The following ZNF677 variants were observed in gnomAD, a reference collection of about 807,000 sequenced individuals.
ZNF677 encodes the protein hypothetical protein MGC48625.
In ZNF677, 5 loss-of-function variants were observed where a neutral mutation model predicts 8.1. The observed-to-expected ratio is 0.62, with a 90% confidence interval of 0.32 to 1.29. The LOEUF (loss-of-function observed/expected upper bound fraction) is 1.29. ZNF677 is among the 50% of genes most tolerant of loss of function. The probability of loss-of-function intolerance (pLI) is 0.05; values close to 1 mark genes in which losing one functional copy is unlikely to be tolerated. For synonymous variants in ZNF677, 221 were observed against 225.6 expected, an observed-to-expected ratio of 0.98 and a Z score of 0.18; for missense variants, 685 against 685.9, an observed-to-expected ratio of 1.00 and a Z score of 0.01.
At position 53,237,180 on chromosome 19, in the gene ZNF677, T is replaced by C. The variant is rs2090979788; in HGVS notation, c.1547A>G (p.Lys516Arg). Residue 516 changes from lysine (K) to arginine (R), a missense_variant, in exon 5 of 5, where the codon AAA becomes AGA. Lys to Arg is a conservative substitution (Grantham distance 26, BLOSUM62 2). Coordinates refer to ENST00000598513, the MANE Select transcript of ZNF677 (RefSeq NM_182609.4). Reference sequence around the variant, plus strand: ...AAAAGCTTTGCCACATTCAGTACATTTGTAAGGTTTCTCTCCAGTATGGAT... The same window carrying C: ...AAAAGCTTTGCCACATTCAGTACATCTGTAAGGTTTCTCTCCAGTATGGAT... ...KKIHTGEKPY[K>R]CTECGKAFTQ... The C allele has an allele frequency of 6.2e-7, 1 of 1,613,004 alleles. No homozygotes were observed. The highest frequency in any genetic ancestry group is 1.3e-5 in the African/African-American group (1 of 74,992).
chr19:53,252,679 C>T (rs951192964), intron 2 of ZNF677, among the ~76,000 whole-genome samples: 3 of 152,196 alleles, frequency 2.0e-5, no homozygotes, highest in African/African-American at 4.8e-5. Flanking sequence ...TCATTATGAA[C>T]AGACGGGCTC....
chr19:53,242,618 G>C (rs917431327), intron 4 of ZNF677: 2 of 390,142 alleles, frequency 5.1e-6, no homozygotes, highest in Non-Finnish European at 4.5e-6. Flanking sequence ...TAGAGAGACC[G>C]ACAGTCTTTC....
rs893228088 is a variant in ZNF677, at chr19:53,244,106, A to C, written c.16-209T>G. 7 of 519,628 alleles carry C rather than the reference A, an allele frequency of 1.3e-5. No individual in the cohort carries two copies. In the Admixed American group the frequency reaches 2.2e-4, roughly 17 times the overall value. The allele number at this position is 519,628 out of a possible 1,614,324, so 32.2% of individuals were successfully genotyped here. A position where few individuals can be genotyped will look rare whatever the true frequency, so the allele number is the denominator to read the frequency against. ...GCTGGGTGCAGTGGCTCACACCTGT[A>C]ATTTCAGCACCTTGAGAGGCTGAGG... On this transcript the variant is annotated intron_variant, in intron 3 of 4. Transcript: ENST00000598513.
intron 3 of ZNF677, chr19:53,249,250 T>G (rs1290430153): frequency 1.3e-5 from 2 of 152,238 alleles, no homozygotes; most frequent in Non-Finnish European, 2.9e-5. Flanking sequence ...ATTTAAAGTA[T>G]TTTTTAGTAA....
intron 3 of ZNF677, among the ~76,000 whole-genome samples, chr19:53,246,524 A>ACT (rs2091145163): frequency 6.7e-6 from 1 of 149,230 alleles, no homozygotes; most frequent in Admixed American, 6.7e-5. Flanking sequence ...ACACACACAC[A>ACT]CACACACTCA....
At chr19:53,241,726 T>A (rs2091052308) in intron 4 of ZNF677, 2 of 396,276 alleles carry the variant, frequency 5.0e-6, no homozygotes, top group Non-Finnish European at 8.9e-6. Flanking sequence ...ACATGCAGGC[T>A]ACTCTACTCA....
chr19:53,248,568 A>C (rs1332083366), intron 3 of ZNF677, among the ~76,000 whole-genome samples: 2 of 152,206 alleles, frequency 1.3e-5, no homozygotes, highest in Admixed American at 6.5e-5. Flanking sequence ...TCTGAAGGAT[A>C]ATTTGCCTGA....
rs1568688478 is a variant in ZNF677, at chr19:53,237,837, C to T, written c.890G>A (p.Gly297Asp). 1 of 1,613,192 alleles carries T rather than the reference C, an allele frequency of 6.2e-7. No individual in the cohort carries two copies. Among genetic ancestry groups the T allele is most frequent in the East Asian group, 2.2e-5 (1 of 44,854 alleles). The change falls in exon 5 of 5, where the codon GGC becomes GAC. Residue 297 changes from glycine to aspartate, a missense_variant. Coordinates refer to ENST00000598513, the MANE Select transcript of ZNF677 (RefSeq NM_182609.4). ...GTTCGAACACTGGTTAAAGGCTTTG[C>T]CACACTCGTTACATTTGTAAGGTCT... ...GQRPYKCNEC[G>D]KAFNQCSNLT...
chr19:53,238,111 G>A lies in ZNF677; in HGVS notation c.616C>T (p.Gln206Ter). 1 of 1,614,004 alleles carries A rather than the reference G, an allele frequency of 6.2e-7. No individual in the cohort carries two copies. Among genetic ancestry groups the A allele is most frequent in the South Asian group, 1.1e-5 (1 of 91,066 alleles). ...QAQLAELQRF[Q>*]TGEKMYECNP... ...CATTCATACATTTTCTCCCCAGTTT[G>A]AAATCTCTGTAGTTCAGCCAGCTGT... Residue 206 changes from glutamine to a stop codon, truncating the protein, a stop_gained, in exon 5 of 5, where the codon CAA becomes TAA. Coordinates refer to ENST00000598513, the MANE Select transcript of ZNF677 (RefSeq NM_182609.4). LOFTEE classifies it low-confidence loss of function (END_TRUNC).
chr19:53,237,892 T>C lies in ZNF677; in HGVS notation c.835A>G (p.Thr279Ala). Residue 279 changes from threonine (T) to alanine (A), a missense_variant, in exon 5 of 5, where the codon ACT becomes GCT. Coordinates refer to ENST00000598513, the MANE Select transcript of ZNF677 (RefSeq NM_182609.4). Reference protein sequence around the residue: ...GKAFSKSSNLTNHQRIHSGQR... With the variant: ...GKAFSKSSNLANHQRIHSGQR... ...CCAGAGTGAATTCTCTGATGATTAGTGAGGTTCGAACTTTTGCTAAAAGCC... is the reference window on the plus strand; with the variant it reads ...CCAGAGTGAATTCTCTGATGATTAGCGAGGTTCGAACTTTTGCTAAAAGCC... 6.2e-7 allele frequency: 1 copy of C among 1,613,316 alleles called. No homozygotes were observed. Among genetic ancestry groups the C allele is most frequent in the Non-Finnish European group, 8.5e-7 (1 of 1,180,002 alleles).
chr19:53,237,518 G>GTAAGGC lies in ZNF677; in HGVS notation c.1203_1208dup (p.Pro402_Tyr403insTer). 1 of 1,613,890 alleles carries GTAAGGC rather than the reference G, an allele frequency of 6.2e-7. No homozygotes were observed. The highest frequency in any genetic ancestry group is 2.2e-5 in the East Asian group (1 of 44,862). On this transcript the variant is annotated stop_gained, in exon 5 of 5. Transcript: ENST00000598513. LOFTEE classifies it low-confidence loss of function (END_TRUNC). ...AAGCTTTGCCACACTCATTACATAT[G>GTAAGGC]TAAGGCTTCTCTCCAGTATGGATTC...
In ZNF677 at chr19:53,237,022, T is replaced by C; in HGVS notation, c.1705A>G (p.Lys569Glu). Residue 569 changes from lysine to glutamate, a missense_variant, in exon 5 of 5, where the codon AAA becomes GAA. Physicochemically the swap from Lys to Glu is moderately conservative, Grantham distance 56. Coordinates refer to ENST00000598513, the MANE Select transcript of ZNF677 (RefSeq NM_182609.4). ...TTTGTCTCATTATATTTGATATGTT[T>C]TTCTCTATTATAACTTTTTTGATGA... ...GDHQKSYNRE[K>E]HIKYNETKIK... The C allele has an allele frequency of 1.3e-6, 2 of 1,595,974 alleles. No homozygotes were observed. The highest frequency in any genetic ancestry group is 1.7e-6 in the Non-Finnish European group (2 of 1,173,614).
intron 4 of ZNF677, chr19:53,241,269 T>C (rs575319303): frequency 3.9e-5 from 6 of 152,214 alleles, no homozygotes; most frequent in African/African-American, 1.4e-4. Flanking sequence ...CAAAAAACAC[T>C]AAGAGTATCA....
chr19:53,248,732 G>C (rs1568695142), intron 3 of ZNF677, among the ~76,000 whole-genome samples: 1 of 152,144 alleles, frequency 6.6e-6, no homozygotes, highest in African/African-American at 2.4e-5. Context: ...CTACTATCAT[G>C]ATTCTCTTTT....
At chr19:53,249,963 C>T (rs773198892) in intron 3 of ZNF677, among the ~76,000 whole-genome samples, 4 of 152,094 alleles carry the variant, frequency 2.6e-5, no homozygotes, top group Non-Finnish European at 4.4e-5. Flanking sequence ...ACCTCTGCCT[C>T]CCGGGTTCAA....
At chr19:53,252,567 CT>C (rs1359527634) in intron 2 of ZNF677, among the ~76,000 whole-genome samples, 1 of 152,162 alleles carries the variant, frequency 6.6e-6, no homozygotes, top group South Asian at 2.1e-4. Flanking sequence ...GGATTTAACT[CT>C]TTTCCAGAAA....
rs1568687172 is a variant in ZNF677, at chr19:53,237,124, T to A, written c.1603A>T (p.Lys535Ter). 3 of 1,613,902 alleles carry A rather than the reference T, an allele frequency of 1.9e-6. No individual in the cohort carries two copies. Among genetic ancestry groups the A allele is most frequent in the Non-Finnish European group, 1.7e-6 (2 of 1,179,930 alleles). ...TQFANLTRHQ[K>*]IHIEKKHCKH... Reference sequence around the variant, plus strand: ...CAATGTTTCTTTTCAATGTGTATTTTCTGGTGTCTAGTGAGGTTTGCAAAT... The same window carrying A: ...CAATGTTTCTTTTCAATGTGTATTTACTGGTGTCTAGTGAGGTTTGCAAAT... The change falls in exon 5 of 5, where the codon AAA (lysine) becomes TAA (stop). Residue 535 changes from lysine (K) to a stop codon, truncating the protein, a stop_gained. Coordinates refer to ENST00000598513, the MANE Select transcript of ZNF677 (RefSeq NM_182609.4). LOFTEE classifies it low-confidence loss of function (END_TRUNC).
At chr19:53,247,938 T>C (rs2091172675) in intron 3 of ZNF677, among the ~76,000 whole-genome samples, 1 of 152,190 alleles carries the variant, frequency 6.6e-6, no homozygotes, top group African/African-American at 2.4e-5. Context: ...AATAAGTGCC[T>C]TTTAAAGGAG....
At chr19:53,241,965 CTT>C (rs2091057286) in intron 4 of ZNF677, 2 of 369,938 alleles carry the variant, frequency 5.4e-6, no homozygotes, top group East Asian at 3.9e-5. Flanking sequence ...GAGTTTTGCT[CTT>C]GTTGCCCAGG....
Sources: allele counts gnomAD v4.1 joint callset (sites outside exome capture counted in the v4.1 genomes callset), GRCh38; gene constraint gnomAD v4.1.1; transcripts MANE v1.5; gene names NCBI Gene and HGNC (gene_info 2026-07-23, HGNC 2026-07-21).